Variants in NALCN observed in about 807,000 individuals in gnomAD.
NALCN encodes the protein sodium leak channel, non-selective.
NALCN carries 111 observed loss-of-function variants against 225.3 expected under a neutral mutation model. The observed-to-expected ratio is 0.49, with a 90% CI of 0.42 to 0.58. The LOEUF (loss-of-function observed/expected upper bound fraction) is 0.58, where lower values mean the gene tolerates loss of function less well. NALCN is among the 20% of genes least tolerant of loss of function. The pLI is 0.00. For synonymous variants in NALCN, 764 were observed against 769.0 expected (o/e 0.99, Z 0.11); for missense variants, 1,378 against 2,202.4 (o/e 0.63, Z 7.49).
chr13:101,111,342 T>A (rs1566825970), intron 18 of NALCN, 116 bp from the exon 19 acceptor site: 19 of 757,054 alleles, frequency 2.5e-5, no homozygotes, highest in Non-Finnish European at 3.8e-5. Context: ...AAACACAAAA[T>A]ACAGCAAATA....
intron 7 of NALCN, among the ~76,000 whole-genome samples, chr13:101,340,872 C>T (rs1043742935): frequency 6.6e-6 from 1 of 152,104 alleles, no homozygotes; most frequent in African/African-American, 2.4e-5. Context: ...TATTATTACT[C>T]ATATTGAAAT....
intron 14 of NALCN, among the ~76,000 whole-genome samples, chr13:101,190,903 C>T (rs2039652820): frequency 6.6e-6 from 1 of 152,148 alleles, no homozygotes; most frequent in South Asian, 2.1e-4. Context: ...AGCTGCAAGA[C>T]TAAGGACCAA....
intron 14 of NALCN, among the ~76,000 whole-genome samples, chr13:101,183,413 G>T (rs930503440): frequency 6.6e-6 from 1 of 152,054 alleles, no homozygotes; most frequent in African/African-American, 2.4e-5. Flanking sequence ...AATTTGCTTT[G>T]CATTATTTAT....
chr13:101,204,068 T>C (rs2040226641), intron 13 of NALCN, among the ~76,000 whole-genome samples: 1 of 152,208 alleles, frequency 6.6e-6, no homozygotes, highest in South Asian at 2.1e-4. Flanking sequence ...AGGGTCCTAG[T>C]CTGGGGAGTT....
chr13:101,077,636 TA>T (rs1477534721), intron 34 of NALCN, among the ~76,000 whole-genome samples: 2 of 152,204 alleles, frequency 1.3e-5, no homozygotes, highest in African/African-American at 4.8e-5. Flanking sequence ...AATAAATTTC[TA>T]AGTGACACAG....
At chr13:101,360,544 T>C (rs1055304021) in intron 6 of NALCN, among the ~76,000 whole-genome samples, 7 of 152,140 alleles carry the variant, frequency 4.6e-5, no homozygotes, top group African/African-American at 1.4e-4. Context: ...GTTTCAGGTA[T>C]TTCTTTATAG....
intron 1 of NALCN, among the ~76,000 whole-genome samples, chr13:101,403,697 C>A (rs1317435430): frequency 6.6e-6 from 1 of 152,114 alleles, no homozygotes; most frequent in Non-Finnish European, 1.5e-5. Flanking sequence ...ATACCAACAA[C>A]CACTCTTCTG....
rs117597248 is a variant in NALCN, at chr13:101,297,429, T to A, written c.800-5063A>T. ...GAATTTTTAAAAGAACAAAGAGGAT[T>A]TATTTTATGACCATCCATTTCTTTC... On this transcript the variant is annotated intron_variant, in intron 7 of 43. Transcript: ENST00000251127. 9.8e-4 allele frequency among the ~76,000 whole-genome samples: 150 copies of A among 152,300 alleles called. 2 individuals carry two copies. In the East Asian group the frequency reaches 0.024, roughly 24 times the overall value.
chr13:101,322,449 T>C (rs1419559920), intron 7 of NALCN, among the ~76,000 whole-genome samples: 1 of 152,238 alleles, frequency 6.6e-6, no homozygotes, highest in Non-Finnish European at 1.5e-5. Flanking sequence ...TTATATTAAT[T>C]CCAAAAGAAC....
At chr13:101,092,267 C>T (rs1469534274) in intron 28 of NALCN, among the ~76,000 whole-genome samples, 1 of 152,158 alleles carries the variant, frequency 6.6e-6, no homozygotes, top group African/African-American at 2.4e-5. Flanking sequence ...GTAGGGAGAG[C>T]TGCTCTTCCC....
chr13:101,156,127 G>T (rs943289931), intron 15 of NALCN, among the ~76,000 whole-genome samples: 45 of 152,062 alleles, frequency 3.0e-4, no homozygotes, highest in Admixed American at 1.3e-4. Flanking sequence ...GCCACTGGGG[G>T]CACTTTCAGT....
At chr13:101,279,836 A>AAATAAAATAAAT (rs547147370) in intron 10 of NALCN, among the ~76,000 whole-genome samples, 3 of 134,032 alleles carry the variant, frequency 2.2e-5, no homozygotes, top group East Asian at 2.1e-4. Context: ...ATAAATAAAT[A>AAATAAAATAAAT]AAATAAATAA....
At chr13:101,300,239 T>C (rs2043903498) in intron 7 of NALCN, among the ~76,000 whole-genome samples, 1 of 152,148 alleles carries the variant, frequency 6.6e-6, no homozygotes, top group Admixed American at 6.5e-5. Flanking sequence ...GATGTTACCA[T>C]CCTAGTGAAT....
intron 1 of NALCN, among the ~76,000 whole-genome samples, chr13:101,406,982 A>C (rs1293804656): frequency 6.6e-6 from 1 of 152,196 alleles, no homozygotes; most frequent in Non-Finnish European, 1.5e-5. Context: ...TATGAAAACT[A>C]AAAAATAGAT....
chr13:101,416,018 G>A (rs2139577167), intron 1 of NALCN, among the ~76,000 whole-genome samples: 1 of 152,146 alleles, frequency 6.6e-6, no homozygotes, highest in South Asian at 2.1e-4. Context: ...CGCGGCAGGC[G>A]CCCCCGACAC....
chr13:101,135,038 C>CA (rs1299559435), intron 17 of NALCN, among the ~76,000 whole-genome samples: 4 of 151,734 alleles, frequency 2.6e-5, no homozygotes, highest in Non-Finnish European at 5.9e-5. Flanking sequence ...ACTAAAAATA[C>CA]AAAAAAATTA....
chr13:101,330,719 T>A (rs937381050), intron 7 of NALCN, among the ~76,000 whole-genome samples: 29 of 152,148 alleles, frequency 1.9e-4, no homozygotes, highest in Admixed American at 1.9e-3. Flanking sequence ...ATAATCCCCA[T>A]GTGTCCTGGG....
intron 7 of NALCN, among the ~76,000 whole-genome samples, chr13:101,325,424 T>C (rs1411993031): frequency 6.6e-6 from 1 of 152,202 alleles, no homozygotes; most frequent in Admixed American, 6.5e-5. Flanking sequence ...ATGGTCACTG[T>C]AAATCACAAC....
chr13:101,115,340 C>G (rs562081537), intron 18 of NALCN, among the ~76,000 whole-genome samples: 5 of 152,192 alleles, frequency 3.3e-5, no homozygotes, highest in African/African-American at 9.6e-5. Context: ...ATTAGGGAAG[C>G]CTGAAAGCCA....
Sources: gnomAD v4.1 joint callset for allele counts (sites outside exome capture counted in the v4.1 genomes callset) on GRCh38, gnomAD v4.1.1 for gene constraint, MANE v1.5 for transcripts, NCBI Gene and HGNC (gene_info 2026-07-23, HGNC 2026-07-21) for gene names.